The following FTO variants were observed in gnomAD, a reference collection of about 807,000 sequenced individuals.
The protein encoded by FTO is FTO alpha-ketoglutarate dependent dioxygenase.
In FTO, 47 loss-of-function variants were observed where a neutral mutation model predicts 63.9. The ratio of observed to expected loss-of-function variants is 0.74; its 90% CI spans 0.58 to 0.94. FTO has a LOEUF of 0.94. Ranked by LOEUF, FTO falls within the 40% of genes least tolerant of loss-of-function variation. The pLI is 0.00. For missense variants in FTO, 562 were observed against 618.1 expected (o/e 0.91, Z 0.96); for synonymous variants, 207 against 224.4 (o/e 0.92, Z 0.69).
At chr16:53,790,285 C>T (rs2077874452) in intron 1 of FTO, among the ~76,000 whole-genome samples, 1 of 151,928 alleles carries the variant, frequency 6.6e-6, no homozygotes, top group Non-Finnish European at 1.5e-5. Context: ...CTCCTTGTTT[C>T]TAGCTTCCCC....
chr16:53,784,828 AC>A (rs2077691026), intron 1 of FTO, among the ~76,000 whole-genome samples: 1 of 152,206 alleles, frequency 6.6e-6, no homozygotes, highest in African/African-American at 2.4e-5. Context: ...ATGTTCATAT[AC>A]ATCAAAGCTG....
At chr16:53,920,661 GC>G (rs1197727884) in intron 7 of FTO, among the ~76,000 whole-genome samples, 3 of 152,146 alleles carry the variant, frequency 2.0e-5, no homozygotes, top group Admixed American at 2.0e-4. Flanking sequence ...CTTTGCAGTG[GC>G]AGGGGTTGGC....
At chr16:54,051,454 GT>G (rs1338464361) in intron 8 of FTO, among the ~76,000 whole-genome samples, 1 of 152,260 alleles carries the variant, frequency 6.6e-6, no homozygotes, top group Non-Finnish European at 1.5e-5. Flanking sequence ...GTTCAGGACA[GT>G]TGTCCTGGCT....
chr16:53,895,532 AG>A (rs2081259811), intron 7 of FTO, among the ~76,000 whole-genome samples: 1 of 152,234 alleles, frequency 6.6e-6, no homozygotes, highest in Non-Finnish European at 1.5e-5. Context: ...AGCAGAAAAA[AG>A]GGATACTTAT....
chr16:54,114,294 C>G lies in FTO; in HGVS notation c.*2379C>G, dbSNP rs1442842368. On this transcript the variant is annotated 3_prime_UTR_variant, in exon 9 of 9. Coordinates refer to ENST00000471389, the MANE Select transcript of FTO (RefSeq NM_001080432.3). ...CCTGACCTGCATCACCCTTTCATGTCAGTGCTCTCCAAACCTGCTTGCTTG... is the reference window on the plus strand; with the variant it reads ...CCTGACCTGCATCACCCTTTCATGTGAGTGCTCTCCAAACCTGCTTGCTTG... The G allele has an allele frequency of 6.6e-6, 1 of 152,166 alleles. No individual in the cohort carries two copies. Among genetic ancestry groups the G allele is most frequent in the Non-Finnish European group, 1.5e-5 (1 of 68,052 alleles). 9.4% of individuals were successfully genotyped at this position (152,166 alleles called of 1,614,324 possible).
chr16:53,898,814 G>A (rs1370540759), intron 7 of FTO, among the ~76,000 whole-genome samples: 3 of 152,046 alleles, frequency 2.0e-5, no homozygotes, highest in South Asian at 4.2e-4. Context: ...TGAGTTGCTG[G>A]AACTACAAGC....
At chr16:53,900,464 G>A (rs887514851) in intron 7 of FTO, among the ~76,000 whole-genome samples, 3 of 152,052 alleles carry the variant, frequency 2.0e-5, no homozygotes, top group African/African-American at 7.2e-5. Context: ...TTGCATTTCA[G>A]TTTTTATTAT....
intron 1 of FTO, among the ~76,000 whole-genome samples, chr16:53,729,781 C>T (rs1477996191): frequency 6.6e-6 from 1 of 152,004 alleles, no homozygotes; most frequent in Non-Finnish European, 1.5e-5. Context: ...TTCTCATTGG[C>T]ACCTAGAGAA....
intron 8 of FTO, among the ~76,000 whole-genome samples, chr16:54,019,704 T>C (rs985006983): frequency 2.0e-5 from 3 of 152,216 alleles, no homozygotes; most frequent in African/African-American, 4.8e-5. Context: ...GAGAATCTTC[T>C]GTTTGGTGGA....
intron 8 of FTO, among the ~76,000 whole-genome samples, chr16:54,081,955 C>T (rs537379560): frequency 6.6e-6 from 1 of 152,236 alleles, no homozygotes; most frequent in African/African-American, 2.4e-5. Context: ...AGTTCTGGTG[C>T]CAGGTCATTG....
chr16:53,713,148 C>A (rs535380478), intron 1 of FTO, among the ~76,000 whole-genome samples: 2 of 151,960 alleles, frequency 1.3e-5, no homozygotes, highest in Non-Finnish European at 2.9e-5. Context: ...TGGTTAAGTA[C>A]CTTATGAATT....
At chr16:53,849,613 G>A (rs1567357767) in intron 4 of FTO, among the ~76,000 whole-genome samples, 1 of 152,182 alleles carries the variant, frequency 6.6e-6, no homozygotes, top group Non-Finnish European at 1.5e-5. Flanking sequence ...TACTTTTAGA[G>A]CCTGGCCAGT....
At position 53,935,219 on chromosome 16, in the gene FTO, A is replaced by C. The variant is rs79429247; in HGVS notation, c.1364+1110A>C. Among the ~76,000 whole-genome samples, 80 of 152,354 alleles carry C rather than the reference A, an allele frequency of 5.3e-4. No individual in the cohort carries two copies. In the East Asian group the frequency reaches 0.014, roughly 27 times the overall value. ...TCAGAGTCTTATTTGGTGCTTAAAA[A>C]TTCTATGTGCCTGGAAGTCAAGAAC... On this transcript the variant is annotated intron_variant, in intron 8 of 8. Coordinates refer to ENST00000471389, the MANE Select transcript of FTO (RefSeq NM_001080432.3).
At chr16:54,026,010 T>C (rs918846656) in intron 8 of FTO, among the ~76,000 whole-genome samples, 2 of 132,120 alleles carry the variant, frequency 1.5e-5, no homozygotes, top group Non-Finnish European at 3.1e-5. Flanking sequence ...AGGCTCTGGC[T>C]CAAAGAAAAA....
In FTO at chr16:53,976,805, G is replaced by C. The variant is rs116145464; in HGVS notation, c.1364+42696G>C. Among the ~76,000 whole-genome samples the C allele has an allele frequency of 1.8e-3, 279 of 151,998 alleles. 2 individuals carry two copies. Among genetic ancestry groups the C allele is most frequent in the African/African-American group, 6.1e-3 (253 of 41,474 alleles). Reference sequence around the variant, plus strand: ...TTTCTAGATATTTGTGTTTATTGCTGTTGTAATGGAATTACAGATATGTCT... The same window carrying C: ...TTTCTAGATATTTGTGTTTATTGCTCTTGTAATGGAATTACAGATATGTCT... On this transcript the variant is annotated intron_variant, in intron 8 of 8. Transcript: ENST00000471389.
chr16:53,958,060 G>T (rs1599087107), intron 8 of FTO, among the ~76,000 whole-genome samples: 1 of 152,094 alleles, frequency 6.6e-6, no homozygotes, highest in East Asian at 1.9e-4. Flanking sequence ...AAAATAACAG[G>T]TCACATTTAC....
chr16:53,746,767 C>T (rs188933987), intron 1 of FTO, among the ~76,000 whole-genome samples: 198 of 152,250 alleles, frequency 1.3e-3, no homozygotes, highest in African/African-American at 4.6e-3. Context: ...ATTCATCACA[C>T]TGCAGTATAT....
At chr16:54,038,225 G>A (rs1319855367) in intron 8 of FTO, among the ~76,000 whole-genome samples, 10 of 152,184 alleles carry the variant, frequency 6.6e-5, no homozygotes, top group African/African-American at 2.2e-4. Flanking sequence ...TCAAGCATGA[G>A]TAGAGTCAGA....
intron 8 of FTO, chr16:54,070,523 G>GA (rs1437194098): frequency 7.2e-5 from 11 of 152,110 alleles, no homozygotes; most frequent in African/African-American, 2.7e-4. Context: ...AAAAATACTG[G>GA]AAACCTATCA....
Sources: allele counts gnomAD v4.1 joint callset (sites outside exome capture counted in the v4.1 genomes callset), GRCh38; gene constraint gnomAD v4.1.1; transcripts MANE v1.5; gene names NCBI Gene and HGNC (gene_info 2026-07-23, HGNC 2026-07-21).